The following FMN1 variants were observed in gnomAD, a reference collection of about 807,000 sequenced individuals.
The protein encoded by FMN1 is formin 1.
Under a neutral mutation model 132.4 loss-of-function variants are expected in FMN1, and 110 were observed. The ratio of observed to expected loss-of-function variants is 0.83; its 90% CI spans 0.71 to 0.97. The LOEUF (loss-of-function observed/expected upper bound fraction) is 0.97. Ranked by LOEUF, FMN1 falls within the 50% of genes least tolerant of loss-of-function variation. The probability of loss-of-function intolerance (pLI) is 0.00; values close to 1 mark genes in which losing one functional copy is unlikely to be tolerated. For synonymous variants in FMN1, 722 were observed against 651.7 expected (o/e 1.11, Z -1.64); for missense variants, 1,792 against 1,705.3 (o/e 1.05, Z -0.90).
chr15:32,857,651 G>A (rs1050461697), intron 16 of FMN1, among the ~76,000 whole-genome samples: 7 of 152,140 alleles, frequency 4.6e-5, no homozygotes, highest in Admixed American at 6.5e-5. Context: ...CATGCTTCCC[G>A]TTCACCTACC....
chr15:33,128,689 C>T (rs1019972058), intron 4 of FMN1, among the ~76,000 whole-genome samples: 2 of 152,186 alleles, frequency 1.3e-5, no homozygotes, highest in African/African-American at 4.8e-5. Context: ...ACTGACTTCA[C>T]GAATAAACCC....
chr15:33,165,164 C>A (rs1965047179), intron 3 of FMN1, among the ~76,000 whole-genome samples: 1 of 152,166 alleles, frequency 6.6e-6, no homozygotes, highest in African/African-American at 2.4e-5. Context: ...TAAAGGTGGG[C>A]TTAGTACATT....
At chr15:32,921,631 C>G (rs765854808) in intron 10 of FMN1, among the ~76,000 whole-genome samples, 1 of 151,970 alleles carries the variant, frequency 6.6e-6, no homozygotes, top group Admixed American at 6.6e-5. Context: ...CTTAAAACAA[C>G]CCACATTCAT....
In FMN1 at chr15:33,116,002, G is replaced by C. The variant is rs78371013; in HGVS notation, c.1868-27028C>G. ...TAGCTTTGGGCTGGGCTGAATTAAA[G>C]AATTTTCTTAGGGTGAATGGGGACT... On this transcript the variant is annotated intron_variant, in intron 4 of 20. Transcript: ENST00000616417. 4.5e-4 allele frequency among the ~76,000 whole-genome samples: 69 copies of C among 152,230 alleles called. 1 individual carries two copies. The East Asian group carries it at 0.012, about 27-fold the overall frequency.
intron 17 of FMN1, among the ~76,000 whole-genome samples, chr15:32,814,499 T>C (rs2057990329): frequency 1.3e-5 from 2 of 152,230 alleles, no homozygotes; most frequent in African/African-American, 4.8e-5. Context: ...AGCCTCATCA[T>C]TCAGACAGCA....
chr15:33,169,591 C>G (rs1965235169), intron 3 of FMN1, among the ~76,000 whole-genome samples: 1 of 151,990 alleles, frequency 6.6e-6, no homozygotes, highest in Non-Finnish European at 1.5e-5. Context: ...GTTCTAACAT[C>G]AGGAAGATTT....
At chr15:33,110,358 G>A (rs1255234617) in intron 4 of FMN1, among the ~76,000 whole-genome samples, 1 of 151,950 alleles carries the variant, frequency 6.6e-6, no homozygotes, top group Non-Finnish European at 1.5e-5. Context: ...GGAACCAAAA[G>A]GTTATGTATC....
At chr15:33,123,315 T>TCCATAGCTTTTCA (rs962757093) in intron 4 of FMN1, among the ~76,000 whole-genome samples, 1 of 152,010 alleles carries the variant, frequency 6.6e-6, no homozygotes, top group Non-Finnish European at 1.5e-5. Flanking sequence ...TCAAAGGCCT[T>TCCATAGCTTTTCA]CCATAGCTTT....
intron 5 of FMN1, chr15:33,068,099 A>T (rs1265802718): frequency 7.8e-7 from 1 of 1,287,064 alleles, no homozygotes; most frequent in Non-Finnish European, 1.0e-6. Context: ...AACTGTGAAA[A>T]ATCTGTGGAG....
intron 7 of FMN1, among the ~76,000 whole-genome samples, chr15:32,973,900 C>T (rs1284894853): frequency 6.6e-6 from 1 of 152,036 alleles, no homozygotes; most frequent in Non-Finnish European, 1.5e-5. Flanking sequence ...ATGTGCTGTT[C>T]CCCCTCCTTT....
intron 9 of FMN1, among the ~76,000 whole-genome samples, chr15:32,952,151 C>T (rs895635576): frequency 9.2e-5 from 14 of 152,176 alleles, no homozygotes; most frequent in African/African-American, 2.4e-4. Flanking sequence ...CTAAGTTTTT[C>T]AGATACCTCC....
intron 3 of FMN1, among the ~76,000 whole-genome samples, chr15:33,171,022 T>C (rs187136463): frequency 1.3e-5 from 2 of 152,280 alleles, no homozygotes; most frequent in Non-Finnish European, 1.5e-5. Context: ...ATGTGGTATA[T>C]ACACAATGAA....
At chr15:32,872,508 C>A (rs1449306332) in intron 16 of FMN1, among the ~76,000 whole-genome samples, 2 of 152,212 alleles carry the variant, frequency 1.3e-5, no homozygotes, top group African/African-American at 2.4e-5. Flanking sequence ...CTAAATATGT[C>A]CTCTGAAGTC....
At chr15:33,100,376 G>A (rs915756780) in intron 4 of FMN1, among the ~76,000 whole-genome samples, 4 of 152,254 alleles carry the variant, frequency 2.6e-5, no homozygotes, top group African/African-American at 9.6e-5. Context: ...AAGGTTTCTG[G>A]TAAAGGAGTA....
chr15:32,922,008 T>C (rs1341489579), intron 10 of FMN1, among the ~76,000 whole-genome samples: 3 of 152,228 alleles, frequency 2.0e-5, no homozygotes, highest in Non-Finnish European at 4.4e-5. Flanking sequence ...TCCATCTCTG[T>C]GTGATGACCA....
intron 7 of FMN1, among the ~76,000 whole-genome samples, chr15:33,004,044 C>A (rs1167425483): frequency 6.6e-6 from 1 of 151,940 alleles, no homozygotes; most frequent in Non-Finnish European, 1.5e-5. Context: ...AAAATTAATT[C>A]AAAATGGATT....
chr15:33,096,727 C>G (rs2039099318), intron 4 of FMN1, among the ~76,000 whole-genome samples: 1 of 151,974 alleles, frequency 6.6e-6, no homozygotes, highest in Admixed American at 6.6e-5. Flanking sequence ...CCACCTCAGC[C>G]TCCCAAGTAG....
intron 15 of FMN1, among the ~76,000 whole-genome samples, chr15:32,890,581 C>A (rs149183899): frequency 6.6e-6 from 1 of 152,132 alleles, no homozygotes; most frequent in Non-Finnish European, 1.5e-5. Flanking sequence ...GGGAACTGTC[C>A]ATTCATGTAC....
intron 2 of FMN1, among the ~76,000 whole-genome samples, chr15:33,189,785 A>G (rs1966010993): frequency 6.6e-6 from 1 of 152,230 alleles, no homozygotes; most frequent in Non-Finnish European, 1.5e-5. Flanking sequence ...AAGGAATTTA[A>G]GTCTTCTGTA....
Sources: gnomAD v4.1 joint callset for allele counts (sites outside exome capture counted in the v4.1 genomes callset) on GRCh38, gnomAD v4.1.1 for gene constraint, MANE v1.5 for transcripts, NCBI Gene and HGNC (gene_info 2026-07-23, HGNC 2026-07-21) for gene names.